Variants in KIAA1217 observed in about 807,000 individuals in gnomAD.
The protein encoded by KIAA1217 is KIAA1217.
In KIAA1217, 88 loss-of-function variants were observed where a neutral mutation model predicts 163.9. That is an observed-to-expected ratio of 0.54 (90% confidence interval 0.45 to 0.64). KIAA1217 has a LOEUF of 0.64. KIAA1217 is among the 30% of genes least tolerant of loss of function. The pLI is 0.00. For missense variants in KIAA1217, 2,372 were observed against 2,475.0 expected, an observed-to-expected ratio of 0.96 and a Z score of 0.88; for synonymous variants, 903 against 923.1, an observed-to-expected ratio of 0.98 and a Z score of 0.39.
chr10:23,854,128 C>T (rs1214545459), intron 1 of KIAA1217, among the ~76,000 whole-genome samples: 5 of 151,944 alleles, frequency 3.3e-5, no homozygotes, highest in Non-Finnish European at 5.9e-5. Flanking sequence ...TTGGATCTTT[C>T]CTGCTTTCTC....
intron 9 of KIAA1217, 84 bp downstream of exon 9, chr10:24,501,629 A>G: frequency 7.8e-7 from 1 of 1,276,134 alleles, no homozygotes; most frequent in Non-Finnish European, 1.1e-6. Flanking sequence ...GTGAAGACCT[A>G]GAGAATGTAG....
intron 2 of KIAA1217, among the ~76,000 whole-genome samples, chr10:24,043,146 A>T (rs1407982755): frequency 6.6e-6 from 1 of 152,216 alleles, no homozygotes; most frequent in Non-Finnish European, 1.5e-5. Context: ...ACAGAGGGCA[A>T]TGAAATCATA....
At chr10:24,359,505 A>G (rs936264958) in intron 2 of KIAA1217, among the ~76,000 whole-genome samples, 1 of 152,246 alleles carries the variant, frequency 6.6e-6, no homozygotes, top group Non-Finnish European at 1.5e-5. Context: ...ACAACAAAGT[A>G]TAATATAAAC....
intron 3 of KIAA1217, 27 bp downstream of exon 3, chr10:24,381,094 G>T: frequency 6.7e-7 from 1 of 1,482,196 alleles, no homozygotes; most frequent in South Asian, 1.4e-5. Flanking sequence ...AGTTTCTGAT[G>T]CCCCTTTCTT....
rs948279371 is a variant in KIAA1217, at chr10:23,817,982, T to C, written c.-321+122748T>C. On this transcript the variant is annotated intron_variant, in intron 1 of 18. Transcript: ENST00000376462. ...TGGCACATATATATATATATATATATATATATATATATATATATATATATA... is the reference window on the plus strand; with the variant it reads ...TGGCACATATATATATATATATATACATATATATATATATATATATATATA... Among the ~76,000 whole-genome samples the C allele has an allele frequency of 2.0e-3, 225 of 112,380 alleles. 4 individuals carry two copies. The highest frequency in any genetic ancestry group is 7.1e-3 in the African/African-American group (187 of 26,268). The allele number at this position is 112,380 out of a possible 152,430, so 73.7% of individuals were successfully genotyped here. A position where few individuals can be genotyped will look rare whatever the true frequency, so the allele number is the denominator to read the frequency against.
chr10:23,831,814 G>A (rs759579841), intron 1 of KIAA1217, among the ~76,000 whole-genome samples: 2 of 152,130 alleles, frequency 1.3e-5, no homozygotes, highest in Non-Finnish European at 2.9e-5. Context: ...TCCCTGATAT[G>A]AAAGATGTGG....
intron 1 of KIAA1217, among the ~76,000 whole-genome samples, chr10:23,864,903 A>T (rs2131144513): frequency 6.6e-6 from 1 of 152,238 alleles, no homozygotes; most frequent in South Asian, 2.1e-4. Flanking sequence ...GTTTCTGGGG[A>T]ATCTCAGCTT....
intron 1 of KIAA1217, among the ~76,000 whole-genome samples, chr10:23,809,293 G>A (rs1836878206): frequency 6.6e-6 from 1 of 151,980 alleles, no homozygotes; most frequent in African/African-American, 2.4e-5. Context: ...GACATAGGTT[G>A]GGAGGGGGAG....
chr10:23,894,458 G>C (rs906687561), intron 1 of KIAA1217, among the ~76,000 whole-genome samples: 1 of 146,260 alleles, frequency 6.8e-6, no homozygotes, highest in Non-Finnish European at 1.5e-5. Flanking sequence ...TCTTCAAGGA[G>C]AACTACAAAC....
At position 24,229,586 on chromosome 10, in the gene KIAA1217, C is replaced by T. The variant is rs191797089; in HGVS notation, c.354+9677C>T. Among the ~76,000 whole-genome samples, 194 of 152,226 alleles carry T rather than the reference C, an allele frequency of 1.3e-3. 4 individuals are homozygous for T. The highest frequency in any genetic ancestry group is 7.5e-3 in the Admixed American group (114 of 15,278). Reference sequence around the variant, plus strand: ...AGGCTGGAGTGCAATGGCACAATCTCGGCTCACTGCAACCTCCGCCTCCCG... The same window carrying T: ...AGGCTGGAGTGCAATGGCACAATCTTGGCTCACTGCAACCTCCGCCTCCCG... On this transcript the variant is annotated intron_variant, in intron 2 of 20. Coordinates refer to ENST00000376454, the MANE Select transcript of KIAA1217 (RefSeq NM_019590.5).
chr10:23,810,203 C>T lies in KIAA1217; in HGVS notation c.-321+114969C>T, dbSNP rs536043512. On this transcript the variant is annotated intron_variant, in intron 1 of 18. Transcript: ENST00000376462. Reference sequence around the variant, plus strand: ...CTCCATTGTAAGTCGAGCATTTATCCATCCATTCATCTATCTGTCTGTCTA... The same window carrying T: ...CTCCATTGTAAGTCGAGCATTTATCTATCCATTCATCTATCTGTCTGTCTA... 2.6e-4 allele frequency among the ~76,000 whole-genome samples: 40 copies of T among 151,150 alleles called. 1 individual carries two copies. Among genetic ancestry groups the T allele is most frequent in the African/African-American group, 9.7e-4 (40 of 41,266 alleles).
intron 1 of KIAA1217, among the ~76,000 whole-genome samples, chr10:23,711,553 C>A (rs1837257706): frequency 6.6e-6 from 1 of 152,096 alleles, no homozygotes; most frequent in African/African-American, 2.4e-5. Flanking sequence ...AATTTGTGTT[C>A]TTTTGAGCTA....
intron 2 of KIAA1217, among the ~76,000 whole-genome samples, chr10:24,104,367 T>C (rs566445720): frequency 1.6e-4 from 24 of 152,232 alleles, no homozygotes; most frequent in Non-Finnish European, 2.9e-4. Flanking sequence ...CTTGAAAAGA[T>C]ATGAAAGAAT....
chr10:23,780,741 T>C (rs1406733732), intron 1 of KIAA1217, among the ~76,000 whole-genome samples: 1 of 152,128 alleles, frequency 6.6e-6, no homozygotes, highest in Non-Finnish European at 1.5e-5. Context: ...AGTGCAGTGG[T>C]GCCATCTCAG....
intron 1 of KIAA1217, among the ~76,000 whole-genome samples, chr10:23,921,673 A>C (rs1733701356): frequency 2.6e-5 from 4 of 151,908 alleles, no homozygotes; most frequent in Non-Finnish European, 5.9e-5. Context: ...TTCTTCGGGG[A>C]GGGTGTTCAG....
intron 2 of KIAA1217, among the ~76,000 whole-genome samples, chr10:24,358,271 C>G (rs1400292290): frequency 2.0e-5 from 3 of 152,102 alleles, no homozygotes; most frequent in Non-Finnish European, 4.4e-5. Context: ...GCAGAGTTCT[C>G]AAGGAACTGG....
At chr10:24,126,705 A>G (rs1443574754) in intron 2 of KIAA1217, among the ~76,000 whole-genome samples, 1 of 152,070 alleles carries the variant, frequency 6.6e-6, no homozygotes, top group Non-Finnish European at 1.5e-5. Flanking sequence ...AACCACCCAC[A>G]TAGCCCTGGT....
chr10:23,817,959 G>C (rs1837385333), intron 1 of KIAA1217, among the ~76,000 whole-genome samples: 1 of 61,006 alleles, frequency 1.6e-5, no homozygotes, highest in Admixed American at 2.5e-4. Flanking sequence ...TGGTGTGGTG[G>C]CACATATATA....
chr10:23,985,837 T>A (rs992519936), intron 1 of KIAA1217, among the ~76,000 whole-genome samples: 1 of 152,158 alleles, frequency 6.6e-6, no homozygotes, highest in Non-Finnish European at 1.5e-5. Flanking sequence ...GTCACTGTCA[T>A]TCAGAATTTC....
Sources: gnomAD v4.1 joint callset for allele counts (sites outside exome capture counted in the v4.1 genomes callset) on GRCh38, gnomAD v4.1.1 for gene constraint, MANE v1.5 for transcripts, NCBI Gene and HGNC (gene_info 2026-07-23, HGNC 2026-07-21) for gene names.